The following FAM20B variants were observed in gnomAD, a reference collection of about 807,000 sequenced individuals.
The protein encoded by FAM20B is glycosaminoglycan xylosylkinase.
A neutral mutation model predicts 43.8 loss-of-function variants in FAM20B; 23 were observed. The ratio of observed to expected loss-of-function variants is 0.53; its 90% CI spans 0.38 to 0.74. FAM20B has a LOEUF of 0.74. Among genes scored for constraint, FAM20B ranks in the 30% least tolerant of loss-of-function variants. The pLI, the probability that FAM20B is intolerant of heterozygous loss-of-function variation, is 0.00. For missense variants in FAM20B, 440 were observed against 510.5 expected, an observed-to-expected ratio of 0.86 and a Z score of 1.33; for synonymous variants, 178 against 192.4, an observed-to-expected ratio of 0.93 and a Z score of 0.62.
In FAM20B at chr1:179,072,046, C is replaced by A; in HGVS notation, c.1132C>A (p.Arg378=). Residue 378 remains arginine, a synonymous_variant, in exon 8 of 8, where the codon CGG becomes AGG. Coordinates refer to ENST00000263733, the MANE Select transcript of FAM20B (RefSeq NM_014864.4). ...TCCTCATCTGGACGCCGTGGACCAG[C>A]GGCTCCTGAGTGTCCTGGCCACCGT... ...SDPHLDAVDQ[R]LLSVLATVKQ... The A allele has an allele frequency of 6.2e-7, 1 of 1,614,156 alleles. No homozygotes were observed. Among genetic ancestry groups the A allele is most frequent in the Non-Finnish European group, 8.5e-7 (1 of 1,180,016 alleles).
chr1:179,037,131 G>C (rs1650273420), intron 1 of FAM20B, among the ~76,000 whole-genome samples: 1 of 152,178 alleles, frequency 6.6e-6, no homozygotes, highest in Non-Finnish European at 1.5e-5. Context: ...AATCAAAGGT[G>C]GTTGAGTGAT....
intron 1 of FAM20B, among the ~76,000 whole-genome samples, chr1:179,036,788 G>A (rs1173185059): frequency 6.6e-6 from 1 of 152,078 alleles, no homozygotes; most frequent in Non-Finnish European, 1.5e-5. Flanking sequence ...AAGGCCGAAT[G>A]TAGTTAAGTA....
chr1:179,040,256 C>T (rs2102492329), intron 1 of FAM20B, among the ~76,000 whole-genome samples: 1 of 152,346 alleles, frequency 6.6e-6, no homozygotes. Flanking sequence ...GGCACACCTC[C>T]CAGACGGGGT....
chr1:179,068,653 C>G (rs1651792145), intron 7 of FAM20B, among the ~76,000 whole-genome samples: 3 of 152,124 alleles, frequency 2.0e-5, no homozygotes, highest in Admixed American at 2.0e-4. Flanking sequence ...CCAGGCTGGT[C>G]TAGAACTCCT....
intron 1 of FAM20B, chr1:179,035,266 C>T (rs1327111645): frequency 8.7e-6 from 5 of 572,166 alleles, no homozygotes; most frequent in Non-Finnish European, 1.3e-5. Flanking sequence ...GTATTTTTCT[C>T]CAGAGAATGG....
intron 7 of FAM20B, among the ~76,000 whole-genome samples, chr1:179,067,225 C>T (rs1445765318): frequency 6.6e-6 from 1 of 151,792 alleles, no homozygotes; most frequent in Admixed American, 6.6e-5. Flanking sequence ...GTTTTAACTC[C>T]TCTCACTCAC....
chr1:179,025,287 A>C (rs938800791), upstream of FAM20B, among the ~76,000 whole-genome samples: 4 of 152,254 alleles, frequency 2.6e-5, no homozygotes, highest in African/African-American at 9.6e-5. Context: ...CTAATATTAC[A>C]GTAAATGAAT....
At chr1:179,059,921 G>A (rs1053827239) in intron 4 of FAM20B, among the ~76,000 whole-genome samples, 22 of 150,912 alleles carry the variant, frequency 1.5e-4, no homozygotes, top group Admixed American at 1.1e-3. Context: ...GCAGTGAGCC[G>A]AGATCATGCC....
At chr1:179,057,345 C>CA (rs1037326886) in intron 4 of FAM20B, among the ~76,000 whole-genome samples, 51 of 149,162 alleles carry the variant, frequency 3.4e-4, no homozygotes, top group Admixed American at 2.4e-3. Flanking sequence ...GACTCCATCT[C>CA]AAAAAAAAAA....
chr1:179,034,406 T>C (rs572574534), intron 1 of FAM20B, among the ~76,000 whole-genome samples: 1 of 152,130 alleles, frequency 6.6e-6, no homozygotes, highest in Non-Finnish European at 1.5e-5. Context: ...CTCTCTCTTT[T>C]TTTTTAATAA....
chr1:179,065,215 A>G (rs1194089262), intron 6 of FAM20B, among the ~76,000 whole-genome samples: 3 of 151,788 alleles, frequency 2.0e-5, no homozygotes, highest in Admixed American at 1.3e-4. Context: ...CAGTGGCACA[A>G]TCTCAGCTCA....
intron 1 of FAM20B, among the ~76,000 whole-genome samples, chr1:179,036,525 G>A (rs139065631): frequency 9.4e-4 from 143 of 152,240 alleles, no homozygotes; most frequent in Middle Eastern, 3.4e-3. Flanking sequence ...GAGGTTTTTC[G>A]TGAATAGTTT....
At chr1:179,020,267 G>C in the FAM20B span, among the ~76,000 whole-genome samples, 2 of 152,058 alleles carry the variant, frequency 1.3e-5, no homozygotes, top group Admixed American at 6.5e-5. Context: ...CCTTCTGGTT[G>C]CCTCACCTTT....
In FAM20B at chr1:179,072,295, G is replaced by A; in HGVS notation, c.*151G>A. 1 of 628,140 alleles carries A rather than the reference G, an allele frequency of 1.6e-6. No individual in the cohort carries two copies. Among genetic ancestry groups the A allele is most frequent in the South Asian group, 2.0e-5 (1 of 50,036 alleles). 38.9% of individuals were successfully genotyped at this position (628,140 alleles called of 1,614,324 possible). A position where few individuals can be genotyped will look rare whatever the true frequency, so the allele number is the denominator to read the frequency against. ...TTGGATGTCTTTGGTATTTTCTGTA[G>A]TAGAAACTAAAGCAAAGACCACAAG... On this transcript the variant is annotated 3_prime_UTR_variant, in exon 8 of 8. Transcript: ENST00000263733.
At chr1:179,067,326 C>T (rs960737643) in intron 7 of FAM20B, among the ~76,000 whole-genome samples, 3 of 152,230 alleles carry the variant, frequency 2.0e-5, no homozygotes, top group African/African-American at 7.2e-5. Context: ...TTATTTTGGC[C>T]AGGCACAGTG....
chr1:179,060,315 TTTG>T (rs1259246916), intron 4 of FAM20B, among the ~76,000 whole-genome samples: 7 of 152,182 alleles, frequency 4.6e-5, no homozygotes, highest in Non-Finnish European at 8.8e-5. Flanking sequence ...GTTCCAATAT[TTTG>T]TTTTTACAAC....
the FAM20B span, among the ~76,000 whole-genome samples, chr1:179,019,714 A>G: frequency 0.55 from 83,712 of 151,958 alleles, 24,673 homozygotes; most frequent in African/African-American, 0.77. Context: ...TGCCCACCTC[A>G]GCCTCCCAAA....
chr1:179,063,150 G>A (rs12036319), intron 4 of FAM20B, among the ~76,000 whole-genome samples: 37 of 152,060 alleles, frequency 2.4e-4, no homozygotes, highest in African/African-American at 8.0e-4. Flanking sequence ...GGTGGCATGC[G>A]CCTGTAATCC....
chr1:179,041,286 T>C (rs2102494442), intron 1 of FAM20B, among the ~76,000 whole-genome samples: 1 of 152,266 alleles, frequency 6.6e-6, no homozygotes, highest in African/African-American at 2.4e-5. Flanking sequence ...TCTCGGCCTT[T>C]TGGGAGGCCA....
Sources: allele counts gnomAD v4.1 joint callset (sites outside exome capture counted in the v4.1 genomes callset), GRCh38; gene constraint gnomAD v4.1.1; transcripts MANE v1.5; gene names NCBI Gene and HGNC (gene_info 2026-07-23, HGNC 2026-07-21).